SLC35D2: variants seen among roughly 807,000 people sequenced by gnomAD.
SLC35D2 encodes the protein solute carrier family 35 member D2.
In SLC35D2, 43 loss-of-function variants were observed where a neutral mutation model predicts 41.8. The ratio of observed to expected loss-of-function variants is 1.03; its 90% confidence interval spans 0.81 to 1.33. The LOEUF (loss-of-function observed/expected upper bound fraction) is 1.33, where lower values mean the gene tolerates loss of function less well. SLC35D2 is among the 40% of genes most tolerant of loss of function. The probability of loss-of-function intolerance (pLI) is 0.00; values close to 1 mark genes in which losing one functional copy is unlikely to be tolerated. For synonymous variants in SLC35D2, 150 were observed against 163.9 expected, an observed-to-expected ratio of 0.92 and a Z score of 0.65; for missense variants, 380 against 408.4, an observed-to-expected ratio of 0.93 and a Z score of 0.60.
chr9:96,317,382 C>A (rs1828078162), downstream of SLC35D2, among the ~76,000 whole-genome samples: 1 of 152,124 alleles, frequency 6.6e-6, no homozygotes, highest in Non-Finnish European at 1.5e-5. Flanking sequence ...TTCCATACCA[C>A]TTCTCCACCT....
chr9:96,358,816 C>T (rs1326601838), intron 4 of SLC35D2, among the ~76,000 whole-genome samples: 1 of 151,858 alleles, frequency 6.6e-6, no homozygotes, highest in Non-Finnish European at 1.5e-5. Flanking sequence ...TGGTGAAACC[C>T]CGTCGTTACT....
intron 8 of SLC35D2, among the ~76,000 whole-genome samples, chr9:96,340,649 A>C (rs1829280737): frequency 6.8e-6 from 1 of 146,844 alleles, no homozygotes. Context: ...AAAAAAAAAA[A>C]ACTAGTCAAA....
At chr9:96,379,679 A>G (rs1279234457) in intron 1 of SLC35D2, among the ~76,000 whole-genome samples, 1 of 152,054 alleles carries the variant, frequency 6.6e-6, no homozygotes, top group Non-Finnish European at 1.5e-5. Context: ...AACCACATCA[A>G]CCCACTCCTC....
intron 9 of SLC35D2, among the ~76,000 whole-genome samples, chr9:96,325,832 C>T (rs73534922): frequency 5.3e-5 from 8 of 152,180 alleles, no homozygotes; most frequent in East Asian, 3.8e-4. Flanking sequence ...ATTCAACACT[C>T]GGTCTTGGTC....
At chr9:96,345,682 A>C (rs941675531) in intron 6 of SLC35D2, among the ~76,000 whole-genome samples, 2 of 152,206 alleles carry the variant, frequency 1.3e-5, no homozygotes, top group Non-Finnish European at 2.9e-5. Context: ...ATGAATCCAC[A>C]TAATAACTGG....
chr9:96,330,405 T>C (rs957417573), intron 9 of SLC35D2, among the ~76,000 whole-genome samples: 1 of 152,154 alleles, frequency 6.6e-6, no homozygotes, highest in African/African-American at 2.4e-5. Flanking sequence ...AACTCCACAA[T>C]TCCCCCTGCT....
downstream of SLC35D2, among the ~76,000 whole-genome samples, chr9:96,317,789 C>T (rs1007763532): frequency 6.6e-6 from 1 of 150,706 alleles, no homozygotes; most frequent in South Asian, 2.1e-4. Context: ...TCTGGGAGGC[C>T]GAGGAGGGTG....
chr9:96,337,205 T>G, intron 8 of SLC35D2, among the ~76,000 whole-genome samples: 1 of 152,126 alleles, frequency 6.6e-6, no homozygotes, highest in East Asian at 1.9e-4. Context: ...AGAAAGTTAA[T>G]TATCTCTTTT....
chr9:96,319,287 T>C (rs995415881), downstream of SLC35D2, among the ~76,000 whole-genome samples: 3 of 152,160 alleles, frequency 2.0e-5, no homozygotes, highest in African/African-American at 7.2e-5. Flanking sequence ...ATAAGGTATC[T>C]TGAATAGTCA....
downstream of SLC35D2, among the ~76,000 whole-genome samples, chr9:96,319,078 C>T (rs555432443): frequency 6.6e-6 from 1 of 152,280 alleles, no homozygotes; most frequent in East Asian, 1.9e-4. Context: ...ATATTAATAG[C>T]AGCATTGTTC....
At chr9:96,320,671 G>A (rs962030988), downstream of SLC35D2, 2 of 152,032 alleles carry the variant, frequency 1.3e-5, no homozygotes, top group African/African-American at 4.8e-5. Context: ...GATGGGCACC[G>A]TTTTCTGCCT....
intron 9 of SLC35D2, among the ~76,000 whole-genome samples, chr9:96,329,088 C>CAA (rs11325875): frequency 1.2e-4 from 11 of 95,156 alleles, no homozygotes; most frequent in South Asian, 3.1e-4. Flanking sequence ...GACTCCATCT[C>CAA]AAAAAAAAAA....
Position 96,373,092 on chromosome 9 carries a change from G to T in SLC35D2, c.159-4787C>A, listed in dbSNP as rs980151994. 3.3e-5 allele frequency among the ~76,000 whole-genome samples: 5 copies of T among 151,622 alleles called. No homozygotes were observed. The South Asian group carries it at 6.2e-4, about 19-fold the overall frequency. ...TTTTTGTATATTTAGTAGAGATTGGGTTTCACCATGTTGACCAAGCTGGTC... is the reference window on the plus strand; with the variant it reads ...TTTTTGTATATTTAGTAGAGATTGGTTTTCACCATGTTGACCAAGCTGGTC... On this transcript the variant is annotated intron_variant, in intron 1 of 11. Transcript: ENST00000253270.
chr9:96,356,402 T>A (rs1328113451), intron 4 of SLC35D2, among the ~76,000 whole-genome samples: 4 of 150,396 alleles, frequency 2.7e-5, no homozygotes. Flanking sequence ...TTTTTTTTTT[T>A]TGCAGAAATT....
At chr9:96,374,980 T>G (rs1830878060) in intron 1 of SLC35D2, among the ~76,000 whole-genome samples, 1 of 150,860 alleles carries the variant, frequency 6.6e-6, no homozygotes, top group South Asian at 2.1e-4. Context: ...CTAATATTTC[T>G]ATTTTGTTTG....
chr9:96,369,571 A>G (rs1435350279), intron 1 of SLC35D2, among the ~76,000 whole-genome samples: 1 of 152,212 alleles, frequency 6.6e-6, no homozygotes, highest in Non-Finnish European at 1.5e-5. Context: ...TATTTGCACA[A>G]AGATAATCCA....
downstream of SLC35D2, among the ~76,000 whole-genome samples, chr9:96,319,928 G>A (rs573459269): frequency 1.1e-4 from 16 of 152,318 alleles, no homozygotes; most frequent in African/African-American, 3.6e-4. Flanking sequence ...TAAAATACTA[G>A]AGGCCACAAC....
At chr9:96,357,369 A>G (rs1228628584) in intron 4 of SLC35D2, 1 of 152,102 alleles carries the variant, frequency 6.6e-6, no homozygotes, top group Admixed American at 6.6e-5. Context: ...CTCATACCAC[A>G]TATAAAAAAT....
At chr9:96,370,696 T>C (rs1587718137) in intron 1 of SLC35D2, among the ~76,000 whole-genome samples, 1 of 151,294 alleles carries the variant, frequency 6.6e-6, no homozygotes, top group Non-Finnish European at 1.5e-5. Flanking sequence ...AATAGTAAAA[T>C]AACAACAAAA....
Sources: allele counts gnomAD v4.1 joint callset (sites outside exome capture counted in the v4.1 genomes callset), GRCh38; gene constraint gnomAD v4.1.1; transcripts MANE v1.5; gene names NCBI Gene and HGNC (gene_info 2026-07-23, HGNC 2026-07-21).